Variants in SYN2 observed in about 807,000 individuals in gnomAD.
SYN2 encodes the protein synapsin-2.
SYN2 carries 19 observed loss-of-function variants against 50.9 expected under a neutral mutation model. The observed-to-expected ratio is 0.37, with a 90% CI of 0.26 to 0.55. The LOEUF is 0.55. Ranked by LOEUF, SYN2 falls within the 20% of genes least tolerant of loss-of-function variation. The pLI is 0.81. For missense variants in SYN2, 587 were observed against 576.4 expected (o/e 1.02, Z -0.19); for synonymous variants, 255 against 224.9 (o/e 1.13, Z -1.20).
At chr3:12,025,432 A>G (rs1283342474) in intron 1 of SYN2, among the ~76,000 whole-genome samples, 2 of 152,186 alleles carry the variant, frequency 1.3e-5, no homozygotes, top group Non-Finnish European at 2.9e-5. Flanking sequence ...TGTGTATGAG[A>G]TACTGCCTAA....
chr3:12,049,541 A>ATAAAAAT (rs1694811926), intron 1 of SYN2, among the ~76,000 whole-genome samples: 1 of 151,772 alleles, frequency 6.6e-6, no homozygotes, highest in African/African-American at 2.4e-5. Context: ...ATAATAAAAA[A>ATAAAAAT]TAAAAAAACT....
At chr3:12,015,710 C>G (rs1250162087) in intron 1 of SYN2, among the ~76,000 whole-genome samples, 2 of 152,164 alleles carry the variant, frequency 1.3e-5, no homozygotes, top group African/African-American at 4.8e-5. Flanking sequence ...TCCTAAACAC[C>G]CCATGCTTGT....
At chr3:12,157,872 C>T (rs978785628) in intron 5 of SYN2, among the ~76,000 whole-genome samples, 19 of 152,160 alleles carry the variant, frequency 1.2e-4, no homozygotes, top group African/African-American at 3.1e-4. Context: ...CCTCTCATCC[C>T]GCCTACAGTT....
At chr3:12,103,434 A>G (rs1696117722) in intron 1 of SYN2, among the ~76,000 whole-genome samples, 1 of 152,188 alleles carries the variant, frequency 6.6e-6, no homozygotes, top group Admixed American at 6.5e-5. Context: ...AAAATTCTGG[A>G]TTTTAGCAAT....
At chr3:12,150,244 G>C (rs888585450) in intron 4 of SYN2, among the ~76,000 whole-genome samples, 1 of 152,228 alleles carries the variant, frequency 6.6e-6, no homozygotes, top group Non-Finnish European at 1.5e-5. Flanking sequence ...TAGCCCTAGA[G>C]AGATGTGTTT....
chr3:12,047,582 G>A (rs551528589), intron 1 of SYN2, among the ~76,000 whole-genome samples: 3 of 152,208 alleles, frequency 2.0e-5, no homozygotes, highest in African/African-American at 7.2e-5. Flanking sequence ...GGATACTTGA[G>A]CTCATTAAGG....
At chr3:12,157,090 C>T (rs1574867852) in intron 5 of SYN2, among the ~76,000 whole-genome samples, 1 of 150,120 alleles carries the variant, frequency 6.7e-6, no homozygotes, top group African/African-American at 2.5e-5. Flanking sequence ...TATTTTCTCT[C>T]TTAAAACAAA....
chr3:12,155,900 T>C (rs1259714233), intron 5 of SYN2, among the ~76,000 whole-genome samples: 1 of 152,212 alleles, frequency 6.6e-6, no homozygotes, highest in Non-Finnish European at 1.5e-5. Context: ...CTCAGTGGTG[T>C]GTCCTGCCTC....
At chr3:12,135,704 CAT>C (rs1696881914) in intron 1 of SYN2, among the ~76,000 whole-genome samples, 1 of 152,176 alleles carries the variant, frequency 6.6e-6, no homozygotes, top group African/African-American at 2.4e-5. Flanking sequence ...AGGATTGACA[CAT>C]GTGAGAAGAA....
At chr3:12,111,885 G>A (rs1334803909) in intron 1 of SYN2, among the ~76,000 whole-genome samples, 6 of 152,154 alleles carry the variant, frequency 3.9e-5, no homozygotes, top group African/African-American at 9.6e-5. Context: ...GGATGCCCAC[G>A]CATTAAGGGG....
intron 1 of SYN2, among the ~76,000 whole-genome samples, chr3:12,021,630 G>A (rs561851178): frequency 6.6e-6 from 1 of 152,060 alleles, no homozygotes; most frequent in South Asian, 2.1e-4. Flanking sequence ...TTGTCTTTTG[G>A]CAGTTTGTTT....
At chr3:12,158,785 G>T (rs200818687) in intron 5 of SYN2, 1 of 1,603,078 alleles carries the variant, frequency 6.2e-7, no homozygotes, top group Admixed American at 1.7e-5. Flanking sequence ...CCGCAGCAAC[G>T]CCAGCAGCCG....
At chr3:12,027,312 T>C (rs1314695187) in intron 1 of SYN2, among the ~76,000 whole-genome samples, 2 of 152,130 alleles carry the variant, frequency 1.3e-5, no homozygotes, top group African/African-American at 4.8e-5. Flanking sequence ...CAAACACCCA[T>C]CTCCCTGCCT....
At chr3:12,113,623 A>G (rs1696371378) in intron 1 of SYN2, among the ~76,000 whole-genome samples, 1 of 152,094 alleles carries the variant, frequency 6.6e-6, no homozygotes, top group Non-Finnish European at 1.5e-5. Context: ...CCTTTCCCTC[A>G]ACCCTGGTAA....
intron 1 of SYN2, among the ~76,000 whole-genome samples, chr3:12,050,883 C>T (rs891544766): frequency 6.6e-6 from 1 of 150,994 alleles, no homozygotes; most frequent in Non-Finnish European, 1.5e-5. Flanking sequence ...CTACAGGCGC[C>T]CGCCACCGCG....
intron 11 of SYN2, chr3:12,183,717 CCA>C (rs779126727): frequency 9.8e-6 from 12 of 1,222,772 alleles, no homozygotes; most frequent in Non-Finnish European, 1.2e-5. Flanking sequence ...TCTCCCAAGT[CCA>C]GTGTGACTTT....
Position 12,180,437 on chromosome 3 carries a change from G to C in SYN2, c.1309-2875G>C, listed in dbSNP as rs112274227. On this transcript the variant is annotated intron_variant, in intron 10 of 12. Coordinates refer to ENST00000621198, the MANE Select transcript of SYN2 (RefSeq NM_133625.6). ...CTCCAGGCCAGCCTTTGGCAGTGAC[G>C]CCAGAGTGGCCAGACTTCTGTGGAA... Among the ~76,000 whole-genome samples, 3 of 152,322 alleles carry C rather than the reference G, an allele frequency of 2.0e-5. No homozygotes were observed. The East Asian group carries it at 5.8e-4, about 29-fold the overall frequency.
At chr3:12,181,572 T>C (rs991615671) in intron 10 of SYN2, among the ~76,000 whole-genome samples, 1 of 152,184 alleles carries the variant, frequency 6.6e-6, no homozygotes, top group African/African-American at 2.4e-5. Flanking sequence ...TACAGGGAGA[T>C]AGTGCACAAT....
chr3:12,078,064 T>G (rs568849438), intron 1 of SYN2, among the ~76,000 whole-genome samples: 1 of 152,370 alleles, frequency 6.6e-6, no homozygotes, highest in Admixed American at 6.5e-5. Context: ...CATTCTCTAA[T>G]GATCAGTGAT....
Sources: allele counts gnomAD v4.1 joint callset (sites outside exome capture counted in the v4.1 genomes callset), GRCh38; gene constraint gnomAD v4.1.1; transcripts MANE v1.5; gene names NCBI Gene and HGNC (gene_info 2026-07-23, HGNC 2026-07-21).